Variants in PTPRD observed in about 807,000 individuals in gnomAD.
The protein encoded by PTPRD is receptor-type tyrosine-protein phosphatase delta.
In PTPRD, 34 loss-of-function variants were observed where a neutral mutation model predicts 214.5. The ratio of observed to expected loss-of-function variants is 0.16; its 90% CI spans 0.12 to 0.21. The LOEUF is 0.21. Ranked by LOEUF, PTPRD falls within the 10% of genes least tolerant of loss-of-function variation. PTPRD has a pLI of 1.00. For missense variants in PTPRD, 2,545 were observed against 2,398.7 expected (o/e 1.06, Z -1.27); for synonymous variants, 1,128 against 845.7 (o/e 1.33, Z -5.79).
At chr9:10,214,993 C>T (rs184664978) in intron 3 of PTPRD, among the ~76,000 whole-genome samples, 118 of 152,066 alleles carry the variant, frequency 7.8e-4, no homozygotes, top group African/African-American at 2.6e-3. Flanking sequence ...TGAGATATTT[C>T]GGACAGGTGG....
intron 10 of PTPRD, among the ~76,000 whole-genome samples, chr9:9,075,658 G>T (rs1024631727): frequency 2.0e-5 from 3 of 152,118 alleles, no homozygotes; most frequent in Non-Finnish European, 4.4e-5. Context: ...AGAACATGCG[G>T]TGTTTGCTTT....
intron 6 of PTPRD, among the ~76,000 whole-genome samples, chr9:9,750,669 C>A (rs2098508458): frequency 6.6e-6 from 1 of 152,076 alleles, no homozygotes; most frequent in Admixed American, 6.6e-5. Flanking sequence ...GCAGCTTACC[C>A]TTTAACAAAA....
chr9:8,673,552 T>C (rs1309606571), intron 12 of PTPRD, among the ~76,000 whole-genome samples: 2 of 152,208 alleles, frequency 1.3e-5, no homozygotes, highest in African/African-American at 4.8e-5. Context: ...GACAGCTGGG[T>C]AATGGTTACT....
chr9:8,572,256 G>A (rs1241369029), intron 14 of PTPRD, among the ~76,000 whole-genome samples: 4 of 152,126 alleles, frequency 2.6e-5, no homozygotes, highest in East Asian at 3.9e-4. Flanking sequence ...AAAATTAAGA[G>A]TCAGAATATA....
At chr9:9,080,428 C>T (rs978151712) in intron 10 of PTPRD, among the ~76,000 whole-genome samples, 1 of 152,086 alleles carries the variant, frequency 6.6e-6, no homozygotes, top group Non-Finnish European at 1.5e-5. Flanking sequence ...CTACTATGTG[C>T]CACATATTGT....
At chr9:9,138,527 G>A (rs144358658) in intron 10 of PTPRD, among the ~76,000 whole-genome samples, 1,547 of 151,924 alleles carry the variant, frequency 0.01, 12 homozygotes, top group Non-Finnish European at 0.014. Flanking sequence ...GGTGACTTGT[G>A]ACCATTTACC....
intron 3 of PTPRD, among the ~76,000 whole-genome samples, chr9:10,264,224 C>G (rs1453719018): frequency 6.6e-6 from 1 of 152,114 alleles, no homozygotes; most frequent in East Asian, 1.9e-4. Context: ...TGGGGCGCTG[C>G]CTAGTGGAGC....
At chr9:9,501,136 A>C (rs1349603607) in intron 8 of PTPRD, among the ~76,000 whole-genome samples, 1 of 152,028 alleles carries the variant, frequency 6.6e-6, no homozygotes, top group Non-Finnish European at 1.5e-5. Flanking sequence ...AGCAAGGTAA[A>C]AACTTAAATA....
chr9:9,574,814 A>G (rs2087844576), intron 7 of PTPRD, 33 bp from the exon 8 acceptor site: 1 of 152,132 alleles, frequency 6.6e-6, no homozygotes, highest in African/African-American at 2.4e-5. Flanking sequence ...ATTCTTTATT[A>G]GTACTAGTGT....
chr9:9,344,078 C>A (rs1026455619), intron 9 of PTPRD, among the ~76,000 whole-genome samples: 2 of 152,152 alleles, frequency 1.3e-5, no homozygotes, highest in Non-Finnish European at 2.9e-5. Flanking sequence ...CTCAATTACA[C>A]AAATACATTA....
chr9:9,857,423 G>T (rs1355499609), intron 5 of PTPRD, among the ~76,000 whole-genome samples: 1 of 152,156 alleles, frequency 6.6e-6, no homozygotes, highest in Non-Finnish European at 1.5e-5. Flanking sequence ...TAAATGTGCA[G>T]TATCTCTTTC....
intron 9 of PTPRD, among the ~76,000 whole-genome samples, chr9:9,340,725 T>C (rs1022580321): frequency 6.6e-6 from 1 of 152,208 alleles, no homozygotes; most frequent in South Asian, 2.1e-4. Flanking sequence ...TCCTTACTTA[T>C]AGGAATTAAT....
At chr9:10,028,779 G>T (rs1210842662) in intron 4 of PTPRD, among the ~76,000 whole-genome samples, 2 of 152,156 alleles carry the variant, frequency 1.3e-5, no homozygotes, top group African/African-American at 4.8e-5. Context: ...TATAAGGAAA[G>T]CAAAGCATAA....
intron 7 of PTPRD, among the ~76,000 whole-genome samples, chr9:9,589,369 T>A (rs1021176444): frequency 6.6e-6 from 1 of 151,902 alleles, no homozygotes; most frequent in Non-Finnish European, 1.5e-5. Flanking sequence ...TTTTAAAAGG[T>A]TCTTGTTAAC....
chr9:8,396,082 A>T (rs1002457638), intron 36 of PTPRD, among the ~76,000 whole-genome samples: 4 of 152,126 alleles, frequency 2.6e-5, no homozygotes, highest in African/African-American at 4.8e-5. Flanking sequence ...ATCAAGCATG[A>T]GACATGACTA....
At chr9:9,907,354 G>A (rs766673709) in intron 5 of PTPRD, among the ~76,000 whole-genome samples, 17 of 151,946 alleles carry the variant, frequency 1.1e-4, no homozygotes, top group Middle Eastern at 3.4e-3. Context: ...CAGACTGGGT[G>A]GCTGAAGCAA....
chr9:10,313,397 T>TACACACACACACACGCAC (rs1555127219), intron 3 of PTPRD, among the ~76,000 whole-genome samples: 3 of 148,356 alleles, frequency 2.0e-5, no homozygotes, highest in Non-Finnish European at 4.5e-5. Context: ...AGGTACAGAT[T>TACACACACACACACGCAC]ACACACACAC....
At chr9:10,100,609 C>G (rs1327709391) in intron 3 of PTPRD, among the ~76,000 whole-genome samples, 1 of 151,574 alleles carries the variant, frequency 6.6e-6, no homozygotes, top group Non-Finnish European at 1.5e-5. Context: ...CTGTAAGACT[C>G]TTTTTGTTAT....
chr9:9,963,628 T>G (rs965690708), intron 4 of PTPRD, among the ~76,000 whole-genome samples: 1 of 152,026 alleles, frequency 6.6e-6, no homozygotes, highest in Non-Finnish European at 1.5e-5. Flanking sequence ...ACAACAAAAT[T>G]TGGGTAGGTA....
Sources: allele counts gnomAD v4.1 joint callset (sites outside exome capture counted in the v4.1 genomes callset), GRCh38; gene constraint gnomAD v4.1.1; transcripts MANE v1.5; gene names NCBI Gene and HGNC (gene_info 2026-07-23, HGNC 2026-07-21).